The following RNF216 variants were observed in gnomAD, a reference collection of about 807,000 sequenced individuals.
RNF216 encodes E3 ubiquitin-protein ligase RNF216.
In RNF216, 72 loss-of-function variants were observed where a neutral mutation model predicts 110.8. The observed-to-expected ratio is 0.65, with a 90% CI of 0.54 to 0.79. RNF216 has a LOEUF of 0.79. RNF216 is among the 30% of genes least tolerant of loss of function. RNF216 has a pLI of 0.00. For synonymous variants in RNF216, 495 were observed against 407.5 expected (o/e 1.21, Z -2.59); for missense variants, 1,342 against 1,141.2 (o/e 1.18, Z -2.54).
intron 3 of RNF216, among the ~76,000 whole-genome samples, chr7:5,746,698 G>C (rs758016726): frequency 1.1e-4 from 16 of 152,166 alleles, no homozygotes; most frequent in Non-Finnish European, 1.8e-4. Flanking sequence ...AAAAATTGGA[G>C]TACTCTGCCT....
chr7:5,649,697 G>T (rs937563744), intron 14 of RNF216: 2 of 151,996 alleles, frequency 1.3e-5, no homozygotes, highest in Non-Finnish European at 2.9e-5. Flanking sequence ...CTAAGATGCA[G>T]AGGCGATGAT....
intron 3 of RNF216, among the ~76,000 whole-genome samples, chr7:5,750,677 C>A (rs1360987530): frequency 1.3e-5 from 2 of 152,178 alleles, no homozygotes; most frequent in African/African-American, 4.8e-5. Flanking sequence ...ATGGCCAATG[C>A]CACAACCAGA....
chr7:5,697,126 T>C (rs1253278097), intron 13 of RNF216, among the ~76,000 whole-genome samples: 2 of 152,240 alleles, frequency 1.3e-5, no homozygotes, highest in Non-Finnish European at 2.9e-5. Flanking sequence ...CCTGTCTACT[T>C]GCTGACCCTT....
intron 1 of RNF216, among the ~76,000 whole-genome samples, chr7:5,775,448 G>A (rs984924108): frequency 6.6e-6 from 1 of 151,928 alleles, no homozygotes; most frequent in Non-Finnish European, 1.5e-5. Flanking sequence ...ATGATCCTAG[G>A]GCTCTGTAGT....
chr7:5,740,841 C>T (rs923220200), intron 4 of RNF216, 132 bp downstream of exon 4: 4 of 801,802 alleles, frequency 5.0e-6, no homozygotes, highest in East Asian at 5.5e-5. Context: ...CTATTCTGTA[C>T]ATCTAGATAT....
chr7:5,754,438 G>A (rs1795507253), intron 2 of RNF216, among the ~76,000 whole-genome samples: 1 of 151,990 alleles, frequency 6.6e-6, no homozygotes, highest in Non-Finnish European at 1.5e-5. Context: ...TCACTGGGAT[G>A]ACAGGCATGA....
chr7:5,777,930 ATAAG>A (rs1435519624), intron 1 of RNF216, among the ~76,000 whole-genome samples: 1 of 152,148 alleles, frequency 6.6e-6, no homozygotes, highest in African/African-American at 2.4e-5. Context: ...ACTAGGACAG[ATAAG>A]TAAGTACATC....
intron 13 of RNF216, among the ~76,000 whole-genome samples, chr7:5,661,264 T>A (rs118058903): frequency 4.5e-3 from 685 of 152,200 alleles, no homozygotes; most frequent in Non-Finnish European, 7.9e-3. Context: ...TTCGAAGGGA[T>A]TGGGTCTCAC....
At chr7:5,679,382 T>C (rs1234102068) in intron 13 of RNF216, among the ~76,000 whole-genome samples, 1 of 152,234 alleles carries the variant, frequency 6.6e-6, no homozygotes, top group African/African-American at 2.4e-5. Flanking sequence ...CAGGGCAAGC[T>C]GTGGTCCGGC....
chr7:5,629,396 G>T (rs1432261507), intron 15 of RNF216, among the ~76,000 whole-genome samples: 1 of 151,940 alleles, frequency 6.6e-6, no homozygotes, highest in East Asian at 1.9e-4. Context: ...GCCCAAGGAG[G>T]TTGAGGCTGC....
At chr7:5,771,023 G>A (rs938017288) in intron 1 of RNF216, among the ~76,000 whole-genome samples, 1 of 152,144 alleles carries the variant, frequency 6.6e-6, no homozygotes, top group Non-Finnish European at 1.5e-5. Flanking sequence ...GGCCAGGCTG[G>A]TCTCGAACTC....
Position 5,725,353 on chromosome 7 carries a change from T to C in RNF216, c.1475A>G (p.Tyr492Cys), listed in dbSNP as rs1793685076. Residue 492 changes from tyrosine to cysteine, a missense_variant, in exon 8 of 17, where the codon TAT becomes TGT. Tyr to Cys is a radical substitution (Grantham distance 194). Transcript: ENST00000389902. ...TTCAAACTTGAAATCAATGTAAGAA[T>C]ACTGGTTCATTTGTTTTCTCTTCTT... ...KRKKRKQMNQ[Y>C]SYIDFKFEQG... The C allele has an allele frequency of 6.2e-7, 1 of 1,611,514 alleles. No individual in the cohort carries two copies.
In RNF216 at chr7:5,626,402, G is replaced by GA. The variant is rs1159540117; in HGVS notation, c.2383-2278dup. ...ATTTTGGAGCCAGTGGCAGGCCTAA[G>GA]AAAAAAGACTAAAAAAAAAAAAAAG... is the stretch of plus-strand genomic sequence containing the variant. On this transcript the variant is annotated intron_variant, in intron 15 of 16. Coordinates refer to ENST00000389902, the MANE Select transcript of RNF216 (RefSeq NM_207111.4). Among the ~76,000 whole-genome samples, 7 of 124,808 alleles carry GA rather than the reference G, an allele frequency of 5.6e-5. No individual in the cohort carries two copies. The East Asian group carries it at 6.5e-4, about 12-fold the overall frequency. 81.9% of individuals were successfully genotyped at this position (124,808 alleles called of 152,430 possible).
At chr7:5,645,288 G>T (rs1388365448) in intron 14 of RNF216, among the ~76,000 whole-genome samples, 1 of 152,024 alleles carries the variant, frequency 6.6e-6, no homozygotes, top group African/African-American at 2.4e-5. Context: ...ATCAGATTTG[G>T]GAAGTTTTCA....
At chr7:5,634,858 G>T (rs1306357629) in intron 15 of RNF216, among the ~76,000 whole-genome samples, 1 of 152,174 alleles carries the variant, frequency 6.6e-6, no homozygotes, top group African/African-American at 2.4e-5. Flanking sequence ...CAGTGACATC[G>T]AAACCCTGTC....
Position 5,685,625 on chromosome 7 carries a change from T to C in RNF216, c.2061+26136A>G, listed in dbSNP as rs552747283. Among the ~76,000 whole-genome samples the C allele has an allele frequency of 2.9e-3, 435 of 152,194 alleles. 1 individual carries two copies. Among genetic ancestry groups the C allele is most frequent in the Non-Finnish European group, 4.9e-3 (335 of 68,008 alleles). ...GCTAAAAGTGAGAGGGGAGGGGGCA[T>C]AGTGGAAAAGGAAGTAAAACACCAG... On this transcript the variant is annotated intron_variant, in intron 13 of 16. Transcript: ENST00000389902.
chr7:5,702,941 G>A (rs1184346235), intron 13 of RNF216, among the ~76,000 whole-genome samples: 3 of 152,100 alleles, frequency 2.0e-5, no homozygotes, highest in African/African-American at 4.8e-5. Flanking sequence ...GGCTGCTGTG[G>A]GGACCAATAT....
At chr7:5,744,372 C>A (rs1057214915) in intron 3 of RNF216, among the ~76,000 whole-genome samples, 3 of 151,812 alleles carry the variant, frequency 2.0e-5, no homozygotes, top group Non-Finnish European at 4.4e-5. Context: ...GAGAACACGT[C>A]AAGAACAAAA....
chr7:5,644,902 G>A (rs1406046242), intron 14 of RNF216, among the ~76,000 whole-genome samples: 1 of 148,158 alleles, frequency 6.7e-6, no homozygotes, highest in African/African-American at 2.5e-5. Context: ...TTGGCTCACT[G>A]CAACCTCCAC....
Sources: allele counts gnomAD v4.1 joint callset (sites outside exome capture counted in the v4.1 genomes callset), GRCh38; gene constraint gnomAD v4.1.1; transcripts MANE v1.5; gene names NCBI Gene and HGNC (gene_info 2026-07-23, HGNC 2026-07-21).